The following PDE1A variants were observed in gnomAD, a reference collection of about 807,000 sequenced individuals.
The protein encoded by PDE1A is phosphodiesterase 1A.
In PDE1A, 35 loss-of-function variants were observed where a neutral mutation model predicts 61.7. That is an observed-to-expected ratio of 0.57 (90% confidence interval 0.43 to 0.75). The LOEUF (loss-of-function observed/expected upper bound fraction) is 0.75, where lower values mean the gene tolerates loss of function less well. Among genes scored for constraint, PDE1A ranks in the 30% least tolerant of loss-of-function variants. The pLI is 0.00. For synonymous variants in PDE1A, 232 were observed against 213.2 expected, an observed-to-expected ratio of 1.09 and a Z score of -0.77; for missense variants, 597 against 630.6, an observed-to-expected ratio of 0.95 and a Z score of 0.57.
chr2:182,281,384 A>G (rs1449820138), intron 1 of PDE1A, among the ~76,000 whole-genome samples: 1 of 151,988 alleles, frequency 6.6e-6, no homozygotes, highest in African/African-American at 2.4e-5. Flanking sequence ...TCTCAAAGAA[A>G]CTGCTTAAAA....
the PDE1A span, among the ~76,000 whole-genome samples, chr2:182,566,775 T>C: frequency 8.5e-5 from 13 of 152,132 alleles, no homozygotes; most frequent in African/African-American, 2.9e-4. Flanking sequence ...TAAGACCATC[T>C]ACCAGTTGTG....
intron 1 of PDE1A, among the ~76,000 whole-genome samples, chr2:182,316,824 T>C (rs1696366934): frequency 6.6e-6 from 1 of 152,220 alleles, no homozygotes; most frequent in South Asian, 2.1e-4. Flanking sequence ...GGTAAAAACA[T>C]GGACATTTGT....
intron 7 of PDE1A, among the ~76,000 whole-genome samples, chr2:182,223,332 C>A (rs1291963030): frequency 2.6e-5 from 4 of 152,006 alleles, no homozygotes; most frequent in African/African-American, 2.4e-5. Context: ...TTTGTTATGG[C>A]AGCCCTAACA....
At chr2:182,535,136 T>C in the PDE1A span, among the ~76,000 whole-genome samples, 3 of 152,074 alleles carry the variant, frequency 2.0e-5, no homozygotes, top group Non-Finnish European at 4.4e-5. Flanking sequence ...CATTGCCCCA[T>C]CAGTCTATTT....
At chr2:182,263,893 T>G (rs1055401622) in intron 2 of PDE1A, among the ~76,000 whole-genome samples, 10 of 152,174 alleles carry the variant, frequency 6.6e-5, no homozygotes, top group African/African-American at 2.4e-4. Context: ...CTCATGAGAA[T>G]GTGTGGGCAT....
chr2:182,569,260 T>TATATATATATATATATAC, the PDE1A span, among the ~76,000 whole-genome samples: 1 of 147,448 alleles, frequency 6.8e-6, no homozygotes, highest in Non-Finnish European at 1.5e-5. Context: ...CTCAAATATA[T>TATATATATATATATATAC]ATATATATAT....
chr2:182,223,363 G>T (rs1181169247), intron 7 of PDE1A, among the ~76,000 whole-genome samples: 5 of 151,758 alleles, frequency 3.3e-5, no homozygotes, highest in Non-Finnish European at 7.4e-5. Context: ...CTTCTACTCT[G>T]GTATTTGATT....
chr2:182,583,350 G>A, the PDE1A span, among the ~76,000 whole-genome samples: 1 of 152,304 alleles, frequency 6.6e-6, no homozygotes, highest in African/African-American at 2.4e-5. Flanking sequence ...TAAAGATATA[G>A]TAGAAATCTG....
the PDE1A span, among the ~76,000 whole-genome samples, chr2:182,560,580 G>A: frequency 6.6e-6 from 1 of 151,986 alleles, no homozygotes; most frequent in Non-Finnish European, 1.5e-5. Context: ...TATATACCCA[G>A]TAATGGGATG....
intron 8 of PDE1A, 91 bp from the exon 9 acceptor site, chr2:182,201,880 T>C (rs188040811): frequency 7.5e-4 from 580 of 773,480 alleles, no homozygotes; most frequent in Non-Finnish European, 1.1e-3. Context: ...CCATGTTTTA[T>C]AGTTCTTAAT....
intron 1 of PDE1A, among the ~76,000 whole-genome samples, chr2:182,295,321 G>A (rs1374889220): frequency 1.3e-5 from 2 of 151,682 alleles, no homozygotes; most frequent in Non-Finnish European, 2.9e-5. Flanking sequence ...TGATCCACCC[G>A]CCTCGGCCTC....
chr2:182,367,472 A>G (rs1425674168), intron 1 of PDE1A, among the ~76,000 whole-genome samples: 1 of 152,098 alleles, frequency 6.6e-6, no homozygotes, highest in Admixed American at 6.6e-5. Context: ...AACATTAGAA[A>G]AAAAAACACT....
the PDE1A span, among the ~76,000 whole-genome samples, chr2:182,539,171 G>A: frequency 6.6e-6 from 1 of 152,044 alleles, no homozygotes; most frequent in South Asian, 2.1e-4. Context: ...GTCAGGTAGG[G>A]TTTCATAGAG....
the PDE1A span, among the ~76,000 whole-genome samples, chr2:182,584,416 A>G: frequency 1.6e-4 from 25 of 152,256 alleles, no homozygotes; most frequent in Admixed American, 6.5e-5. Flanking sequence ...TTTGAATTCT[A>G]GCTCTACCGC....
chr2:182,192,576 A>G (rs1369864951), intron 10 of PDE1A, among the ~76,000 whole-genome samples: 1 of 152,128 alleles, frequency 6.6e-6, no homozygotes, highest in East Asian at 1.9e-4. Flanking sequence ...CCATCAAGGT[A>G]AAAGCAGAGG....
exon 7 of PDE1A, chr2:182,223,918 G>A (rs1248438460): frequency 1.2e-5 from 20 of 1,604,738 alleles, no homozygotes; most frequent in Non-Finnish European, 1.7e-5. Context: ...ATCATGAATG[G>A]CAGCAGCAAA....
At chr2:182,665,357 T>C in the PDE1A span, among the ~76,000 whole-genome samples, 1,889 of 152,138 alleles carry the variant, frequency 0.012, 23 homozygotes, top group South Asian at 0.049. Flanking sequence ...ACAAGGAATT[T>C]AAACAAATTT....
intron 2 of PDE1A, among the ~76,000 whole-genome samples, chr2:182,455,124 G>A (rs912689995): frequency 3.3e-5 from 5 of 151,826 alleles, no homozygotes; most frequent in African/African-American, 9.7e-5. Context: ...CTCAAAAGAA[G>A]ACATTTATGC....
chr2:182,203,884 T>C (rs1358529382), intron 8 of PDE1A, among the ~76,000 whole-genome samples: 1 of 151,938 alleles, frequency 6.6e-6, no homozygotes, highest in Admixed American at 6.5e-5. Flanking sequence ...TTTTATAGAT[T>C]TTTGGAAAGT....
Sources: gnomAD v4.1 joint callset for allele counts (sites outside exome capture counted in the v4.1 genomes callset) on GRCh38, gnomAD v4.1.1 for gene constraint, MANE v1.5 for transcripts, NCBI Gene and HGNC (gene_info 2026-07-23, HGNC 2026-07-21) for gene names.